The following MRAP2 variants were observed in gnomAD, a reference collection of about 807,000 sequenced individuals.
MRAP2 encodes melanocortin-2 receptor accessory protein 2.
Under a neutral mutation model 17.4 loss-of-function variants are expected in MRAP2, and 20 were observed. The ratio of observed to expected loss-of-function variants is 1.15; its 90% CI spans 0.81 to 1.67. The LOEUF is 1.67. Among genes scored for constraint, MRAP2 ranks in the 40% most tolerant of loss-of-function variants. The pLI, the probability that MRAP2 is intolerant of heterozygous loss-of-function variation, is 0.00. For missense variants in MRAP2, 238 were observed against 240.0 expected (o/e 0.99, Z 0.05); for synonymous variants, 96 against 88.4 (o/e 1.09, Z -0.48).
chr6:84,040,123 G>A (rs910041529), intron 1 of MRAP2, among the ~76,000 whole-genome samples: 45 of 152,286 alleles, frequency 3.0e-4, no homozygotes, highest in African/African-American at 1.0e-3. Context: ...AATTGAATCA[G>A]GGGGTTGGTT....
At chr6:84,044,507 C>T (rs1160208915) in intron 1 of MRAP2, among the ~76,000 whole-genome samples, 2 of 152,200 alleles carry the variant, frequency 1.3e-5, no homozygotes, top group Admixed American at 6.5e-5. Context: ...GTGCTGGTCA[C>T]ATGTAGGTTT....
At chr6:84,131,675 GT>G in the MRAP2 span, among the ~76,000 whole-genome samples, 2 of 135,286 alleles carry the variant, frequency 1.5e-5, no homozygotes, top group African/African-American at 2.7e-5. Flanking sequence ...CTTTTTTTTT[GT>G]TTTGTTTTCC....
At chr6:84,134,919 TACACACACACACACAC>T in the MRAP2 span, among the ~76,000 whole-genome samples, 17 of 148,368 alleles carry the variant, frequency 1.1e-4, no homozygotes, top group East Asian at 1.4e-3. Context: ...AGATCATATA[TACACACACACACACAC>T]ACACACACAC....
At chr6:84,092,983 TGAC>T (rs1245045790), downstream of MRAP2, among the ~76,000 whole-genome samples, 1 of 152,226 alleles carries the variant, frequency 6.6e-6, no homozygotes, top group Non-Finnish European at 1.5e-5. Flanking sequence ...TAGTCTTTTG[TGAC>T]TTCTGGCTAC....
chr6:84,063,062 A>G, intron 3 of MRAP2, 70 bp downstream of exon 3: 1 of 1,600,324 alleles, frequency 6.2e-7, no homozygotes. Flanking sequence ...ACTACTACCC[A>G]GGGCCGGAGG....
chr6:84,121,781 A>G, the MRAP2 span, among the ~76,000 whole-genome samples: 1 of 152,190 alleles, frequency 6.6e-6, no homozygotes, highest in African/African-American at 2.4e-5. Flanking sequence ...ACATACCAAA[A>G]CCTTTGGGAT....
chr6:84,125,045 G>A, the MRAP2 span: 13 of 1,563,572 alleles, frequency 8.3e-6, no homozygotes, highest in East Asian at 2.3e-4. Context: ...CTTTTAATAA[G>A]GTCATTATGA....
chr6:84,092,884 G>A (rs1334053742), downstream of MRAP2, among the ~76,000 whole-genome samples: 2 of 152,110 alleles, frequency 1.3e-5, no homozygotes, highest in African/African-American at 4.8e-5. Flanking sequence ...TTCCAAAAAG[G>A]AGAAAATGGA....
At chr6:84,110,945 G>C in the MRAP2 span, among the ~76,000 whole-genome samples, 1 of 151,962 alleles carries the variant, frequency 6.6e-6, no homozygotes, top group South Asian at 2.1e-4. Flanking sequence ...CCTCTGTTTT[G>C]TTCCATTGGT....
intron 1 of MRAP2, among the ~76,000 whole-genome samples, chr6:84,051,618 G>T (rs1170980824): frequency 6.6e-6 from 1 of 152,178 alleles, no homozygotes; most frequent in Non-Finnish European, 1.5e-5. Context: ...AGCACTTTGG[G>T]AGGCTGGGGC....
intron 1 of MRAP2, among the ~76,000 whole-genome samples, chr6:84,034,805 C>T (rs2099485547): frequency 6.6e-6 from 1 of 152,070 alleles, no homozygotes; most frequent in Middle Eastern, 3.4e-3. Flanking sequence ...TTTCAGTTTG[C>T]AGGTAGAGAA....
chr6:84,101,494 G>A, the MRAP2 span, among the ~76,000 whole-genome samples: 1 of 152,188 alleles, frequency 6.6e-6, no homozygotes, highest in African/African-American at 2.4e-5. Context: ...CTCACCTTGG[G>A]TAATGGTTTC....
chr6:84,040,735 C>G (rs973948758), intron 1 of MRAP2, among the ~76,000 whole-genome samples: 2 of 152,164 alleles, frequency 1.3e-5, no homozygotes, highest in African/African-American at 4.8e-5. Flanking sequence ...ACATTTTACC[C>G]TGCCCTAGAG....
intron 1 of MRAP2, chr6:84,045,089 T>G (rs904449953): frequency 7.4e-6 from 2 of 270,478 alleles, no homozygotes; most frequent in African/African-American, 2.3e-5. Context: ...AGGCTGTGCA[T>G]AGGTTCTATG....
chr6:84,094,761 G>A (rs371835766), downstream of MRAP2, among the ~76,000 whole-genome samples: 47 of 151,670 alleles, frequency 3.1e-4, no homozygotes, highest in East Asian at 2.1e-3. Flanking sequence ...GCGTGATCTC[G>A]GCTCACTGCA....
chr6:84,110,113 A>G, the MRAP2 span, among the ~76,000 whole-genome samples: 9 of 152,292 alleles, frequency 5.9e-5, no homozygotes, highest in African/African-American at 2.2e-4. Context: ...TTGGGTATAT[A>G]CCCAGTAATG....
intron 3 of MRAP2, among the ~76,000 whole-genome samples, chr6:84,075,197 G>A (rs1371084091): frequency 9.9e-5 from 15 of 152,222 alleles, no homozygotes; most frequent in African/African-American, 4.8e-5. Flanking sequence ...TTCTTCAGCC[G>A]GAAGCAGCAC....
intron 1 of MRAP2, among the ~76,000 whole-genome samples, chr6:84,036,340 T>C (rs1178885618): frequency 6.6e-6 from 1 of 152,198 alleles, no homozygotes; most frequent in East Asian, 1.9e-4. Flanking sequence ...ATAGATTTAC[T>C]TCCTTCATCC....
At chr6:84,098,390 T>C in the MRAP2 span, among the ~76,000 whole-genome samples, 1 of 152,190 alleles carries the variant, frequency 6.6e-6, no homozygotes, top group Non-Finnish European at 1.5e-5. Flanking sequence ...CTTATAATTT[T>C]GGCTATTGTA....
Sources: allele counts gnomAD v4.1 joint callset (sites outside exome capture counted in the v4.1 genomes callset), GRCh38; gene constraint gnomAD v4.1.1; transcripts MANE v1.5; gene names NCBI Gene and HGNC (gene_info 2026-07-23, HGNC 2026-07-21).